CNBD1: variants seen among roughly 807,000 people sequenced by gnomAD.
CNBD1 encodes the protein cyclic nucleotide-binding domain-containing protein 1.
Under a neutral mutation model 54.4 loss-of-function variants are expected in CNBD1, and 71 were observed. That is an observed-to-expected ratio of 1.30 (90% CI 1.08 to 1.59). The LOEUF (loss-of-function observed/expected upper bound fraction) is 1.59, where lower values mean the gene tolerates loss of function less well. Among genes scored for constraint, CNBD1 ranks in the 40% most tolerant of loss-of-function variants. The pLI is 0.00. For synonymous variants in CNBD1, 182 were observed against 170.7 expected, an observed-to-expected ratio of 1.07 and a Z score of -0.51; for missense variants, 659 against 518.0, an observed-to-expected ratio of 1.27 and a Z score of -2.64.
At position 87,410,870 on chromosome 8, in the gene CNBD1, G is replaced by C. The variant is rs567559886; in HGVS notation, c.214-17676G>C. 7.2e-5 allele frequency among the ~76,000 whole-genome samples: 11 copies of C among 152,182 alleles called. No homozygotes were observed. In the East Asian group the frequency reaches 2.1e-3, roughly 30 times the overall value. The stretch of plus-strand genomic sequence containing the variant: ...TAAATCTGCAGCTGTTCACATCAAG[G>C]AAAGACCCTCCATCTGCAAAAAGAT... On this transcript the variant is annotated intron_variant, in intron 2 of 7. Transcript: ENST00000521593.
At chr8:87,024,874 GTTTT>G (rs1241945390) in intron 4 of CNBD1, among the ~76,000 whole-genome samples, 1 of 152,072 alleles carries the variant, frequency 6.6e-6, no homozygotes, top group African/African-American at 2.4e-5. Context: ...CCAAGAAACT[GTTTT>G]TTGAGAATAA....
intron 8 of CNBD1, among the ~76,000 whole-genome samples, chr8:87,346,412 A>G (rs939247201): frequency 6.6e-6 from 1 of 151,924 alleles, no homozygotes; most frequent in Non-Finnish European, 1.5e-5. Flanking sequence ...ATTTAATAAT[A>G]CTTTTATTAA....
At chr8:87,324,014 G>T (rs926338899) in intron 8 of CNBD1, among the ~76,000 whole-genome samples, 5 of 128,452 alleles carry the variant, frequency 3.9e-5, no homozygotes, top group East Asian at 2.0e-4. Context: ...TAGCATGAAG[G>T]GTTGTTGAAT....
intron 4 of CNBD1, among the ~76,000 whole-genome samples, chr8:87,006,310 A>G (rs1295721076): frequency 6.6e-6 from 1 of 152,162 alleles, no homozygotes; most frequent in Admixed American, 6.5e-5. Context: ...TATTTCCAAA[A>G]CAGAAGGCAT....
At chr8:87,237,460 A>G (rs998809884) in intron 6 of CNBD1, among the ~76,000 whole-genome samples, 4 of 152,088 alleles carry the variant, frequency 2.6e-5, no homozygotes, top group Admixed American at 1.3e-4. Flanking sequence ...ATTGATTATG[A>G]AAGACCTTTA....
chr8:87,336,243 G>A (rs1397909626), intron 8 of CNBD1, among the ~76,000 whole-genome samples: 2 of 152,108 alleles, frequency 1.3e-5, no homozygotes, highest in African/African-American at 4.8e-5. Flanking sequence ...ATGTTGGCTT[G>A]TCTTCCTAGG....
At chr8:87,018,915 G>C (rs958112532) in intron 4 of CNBD1, among the ~76,000 whole-genome samples, 3 of 152,058 alleles carry the variant, frequency 2.0e-5, no homozygotes, top group Non-Finnish European at 4.4e-5. Context: ...CAATTTGGTT[G>C]CCTTTTAAAC....
chr8:87,059,027 C>T (rs1452444149), intron 4 of CNBD1, among the ~76,000 whole-genome samples: 1 of 152,184 alleles, frequency 6.6e-6, no homozygotes, highest in East Asian at 1.9e-4. Flanking sequence ...AATCATCTCT[C>T]TCAAGCTCAA....
At chr8:87,143,124 C>T (rs1812405950) in intron 4 of CNBD1, among the ~76,000 whole-genome samples, 1 of 152,150 alleles carries the variant, frequency 6.6e-6, no homozygotes, top group Admixed American at 6.5e-5. Flanking sequence ...GTCATCCTAG[C>T]TCCACTAGAA....
At chr8:86,977,539 G>A (rs1808369993) in intron 4 of CNBD1, among the ~76,000 whole-genome samples, 1 of 152,036 alleles carries the variant, frequency 6.6e-6, no homozygotes, top group Non-Finnish European at 1.5e-5. Context: ...AATCAAAGAG[G>A]AGACATTACA....
intron 4 of CNBD1, among the ~76,000 whole-genome samples, chr8:87,185,524 C>A (rs1423557524): frequency 1.3e-5 from 2 of 152,114 alleles, no homozygotes; most frequent in South Asian, 2.1e-4. Context: ...TAGGCAGGAT[C>A]AGCACAGCAT....
At chr8:87,329,354 G>C (rs1208635588) in intron 8 of CNBD1, among the ~76,000 whole-genome samples, 1 of 152,006 alleles carries the variant, frequency 6.6e-6, no homozygotes, top group Non-Finnish European at 1.5e-5. Context: ...TTTCAACTTT[G>C]TTCTTCTTCA....
chr8:87,105,997 A>G (rs1193521029), intron 4 of CNBD1, among the ~76,000 whole-genome samples: 4 of 152,276 alleles, frequency 2.6e-5, no homozygotes, highest in South Asian at 4.2e-4. Context: ...TTGACAAGTC[A>G]TCATCCTACA....
At chr8:87,327,709 T>G (rs987392796) in intron 8 of CNBD1, among the ~76,000 whole-genome samples, 1 of 152,104 alleles carries the variant, frequency 6.6e-6, no homozygotes, top group African/African-American at 2.4e-5. Context: ...GTCTGGCACT[T>G]CCTAGTGAGA....
chr8:87,089,212 A>G (rs554993566), intron 4 of CNBD1, among the ~76,000 whole-genome samples: 1 of 152,280 alleles, frequency 6.6e-6, no homozygotes, highest in South Asian at 2.1e-4. Flanking sequence ...TAATTTGACT[A>G]GGAATAGTGG....
rs186430700 is a variant in CNBD1, at chr8:87,252,393, T to C, written c.771+15281T>C. Among the ~76,000 whole-genome samples the C allele has an allele frequency of 8.2e-3, 1,253 of 152,322 alleles. 18 individuals are homozygous for C. Among genetic ancestry groups the C allele is most frequent in the Middle Eastern group, 0.034 (10 of 294 alleles). On this transcript the variant is annotated intron_variant, in intron 6 of 10. Coordinates refer to ENST00000518476, the MANE Select transcript of CNBD1 (RefSeq NM_173538.3). ...ATCAATTACGTTTTTATTCCAATAA[T>C]TATTTTTACATGAAGAAAGACAATT...
rs56785226 is a variant in CNBD1 at position 86,878,105 on chromosome 8, T to TGTGTGTGTGAGA, written c.89-9436_89-9435insTGTGTGTGAGAG. Among the ~76,000 whole-genome samples the TGTGTGTGTGAGA allele has an allele frequency of 4.4e-3, 614 of 140,958 alleles. 6 individuals are homozygous for TGTGTGTGTGAGA. Among genetic ancestry groups the TGTGTGTGTGAGA allele is most frequent in the East Asian group, 0.014 (65 of 4,666 alleles). The allele number at this position is 140,958 out of a possible 152,430, so 92.5% of individuals were successfully genotyped here. Reference sequence around the variant, plus strand: ...CTGTGTGTGTGTGTGTGTGTGTGTGTGAGAGAGAGAGAGAGAGAGAGAGAG... The same window carrying TGTGTGTGTGAGA: ...CTGTGTGTGTGTGTGTGTGTGTGTGTGTGTGTGTGAGAGAGAGAGAGAGAGAGAGAGAGAGAG... On this transcript the variant is annotated intron_variant, in intron 1 of 10. Transcript: ENST00000518476.
chr8:87,369,240 T>C (rs1003765923), intron 10 of CNBD1, among the ~76,000 whole-genome samples: 1 of 152,026 alleles, frequency 6.6e-6, no homozygotes, highest in Non-Finnish European at 1.5e-5. Context: ...TACATTGATA[T>C]AGCTAAGAAG....
intron 4 of CNBD1, among the ~76,000 whole-genome samples, chr8:87,174,644 G>T (rs1268793051): frequency 2.6e-5 from 4 of 152,052 alleles, no homozygotes; most frequent in African/African-American, 9.7e-5. Flanking sequence ...GATATTTGTT[G>T]GTGTCTGGGC....
Sources: allele counts gnomAD v4.1 joint callset (sites outside exome capture counted in the v4.1 genomes callset), GRCh38; gene constraint gnomAD v4.1.1; transcripts MANE v1.5; gene names NCBI Gene and HGNC (gene_info 2026-07-23, HGNC 2026-07-21).